The following CTNNA2 variants were observed in gnomAD, a reference collection of about 807,000 sequenced individuals.
CTNNA2 encodes catenin alpha-2.
In CTNNA2, 42 loss-of-function variants were observed where a neutral mutation model predicts 101.0. That is an observed-to-expected ratio of 0.42 (90% confidence interval 0.32 to 0.54). The LOEUF (loss-of-function observed/expected upper bound fraction) is 0.54, where lower values mean the gene tolerates loss of function less well. CTNNA2 is among the 20% of genes least tolerant of loss of function. The probability of loss-of-function intolerance (pLI) is 0.14; values close to 1 mark genes in which losing one functional copy is unlikely to be tolerated. For synonymous variants in CTNNA2, 450 were observed against 456.4 expected (o/e 0.99, Z 0.18); for missense variants, 871 against 1,223.1 (o/e 0.71, Z 4.29).
chr2:79,305,390 A>T (rs1163897355), intron 2 of CTNNA2, among the ~76,000 whole-genome samples: 4 of 147,272 alleles, frequency 2.7e-5, no homozygotes, highest in African/African-American at 1.0e-4. Context: ...ATATATATAT[A>T]TTTCTGCATG....
intron 6 of CTNNA2, among the ~76,000 whole-genome samples, chr2:79,891,823 A>G (rs1684327330): frequency 6.6e-6 from 1 of 151,844 alleles, no homozygotes; most frequent in Non-Finnish European, 1.5e-5. Flanking sequence ...ACCTGAAAAT[A>G]TATATATATA....
At chr2:79,604,425 A>G (rs571342984) in intron 1 of CTNNA2, among the ~76,000 whole-genome samples, 3 of 152,260 alleles carry the variant, frequency 2.0e-5, no homozygotes, top group African/African-American at 7.2e-5. Flanking sequence ...GTTTTCGGGG[A>G]ACACCAGGGG....
At chr2:80,351,046 G>T (rs1031618849) in intron 7 of CTNNA2, among the ~76,000 whole-genome samples, 3 of 152,090 alleles carry the variant, frequency 2.0e-5, no homozygotes, top group African/African-American at 7.2e-5. Flanking sequence ...CTCGTGATGA[G>T]CTCTAACAGT....
intron 1 of CTNNA2, among the ~76,000 whole-genome samples, chr2:79,592,746 G>C (rs1427652881): frequency 2.0e-5 from 3 of 152,114 alleles, no homozygotes; most frequent in Non-Finnish European, 4.4e-5. Flanking sequence ...CCAGTCCTCT[G>C]CTGGCCCTTA....
intron 2 of CTNNA2, among the ~76,000 whole-genome samples, chr2:79,272,877 G>T (rs1675120201): frequency 6.6e-6 from 1 of 151,988 alleles, no homozygotes; most frequent in South Asian, 2.1e-4. Flanking sequence ...CCCTATTTCA[G>T]ACAGACTCTT....
At chr2:79,872,598 G>A (rs751189661) in intron 5 of CTNNA2, among the ~76,000 whole-genome samples, 1 of 152,048 alleles carries the variant, frequency 6.6e-6, no homozygotes, top group Non-Finnish European at 1.5e-5. Flanking sequence ...GTGTTACCTA[G>A]CATCCATCTT....
intron 7 of CTNNA2, among the ~76,000 whole-genome samples, chr2:80,371,726 T>C (rs1172670744): frequency 1.3e-5 from 2 of 152,088 alleles, no homozygotes; most frequent in Non-Finnish European, 2.9e-5. Flanking sequence ...CCTAGAGGCA[T>C]GAAAGCACAG....
chr2:79,397,192 C>T (rs1678242560), intron 4 of CTNNA2, among the ~76,000 whole-genome samples: 1 of 152,096 alleles, frequency 6.6e-6, no homozygotes, highest in Non-Finnish European at 1.5e-5. Context: ...TATTTATTGC[C>T]TCAAACATTT....
intron 18 of CTNNA2, among the ~76,000 whole-genome samples, chr2:80,642,261 T>C (rs1673574427): frequency 6.6e-6 from 1 of 152,166 alleles, no homozygotes; most frequent in African/African-American, 2.4e-5. Context: ...ATGCCCACAA[T>C]GAAGCTGTTT....
intron 9 of CTNNA2, among the ~76,000 whole-genome samples, chr2:80,539,660 A>T (rs2149614156): frequency 6.6e-6 from 1 of 152,294 alleles, no homozygotes; most frequent in East Asian, 1.9e-4. Flanking sequence ...ACTAAGTCAG[A>T]GAAAGACTGG....
At chr2:80,540,780 C>A (rs1297143836) in intron 9 of CTNNA2, among the ~76,000 whole-genome samples, 1 of 152,028 alleles carries the variant, frequency 6.6e-6, no homozygotes, top group Non-Finnish European at 1.5e-5. Flanking sequence ...CTGCAAACTG[C>A]GCTTCCCGGT....
chr2:79,809,384 G>A (rs1165008118), intron 3 of CTNNA2, among the ~76,000 whole-genome samples: 1 of 152,158 alleles, frequency 6.6e-6, no homozygotes, highest in African/African-American at 2.4e-5. Context: ...CACAATAGTT[G>A]AACTAATTTA....
At position 79,669,648 on chromosome 2, in the gene CTNNA2, C is replaced by T. The variant is rs559847131; in HGVS notation, c.102+17990C>T. Reference sequence around the variant, plus strand: ...CAGGCAAGTCATTTGGATGTCTCTGCAGGTCTCTGAAGTTCTCAGCAGAGA... The same window carrying T: ...CAGGCAAGTCATTTGGATGTCTCTGTAGGTCTCTGAAGTTCTCAGCAGAGA... On this transcript the variant is annotated intron_variant, in intron 2 of 18. Transcript: ENST00000402739. 6.6e-5 allele frequency among the ~76,000 whole-genome samples: 10 copies of T among 152,298 alleles called. No homozygotes were observed. The South Asian group carries it at 2.1e-3, about 32-fold the overall frequency.
chr2:79,286,837 T>A (rs925889231), intron 2 of CTNNA2, among the ~76,000 whole-genome samples: 1 of 152,200 alleles, frequency 6.6e-6, no homozygotes, highest in African/African-American at 2.4e-5. Context: ...CTGGATAATA[T>A]CCTGCAGAGT....
intron 4 of CTNNA2, among the ~76,000 whole-genome samples, chr2:79,457,216 AG>A: frequency 2.0e-5 from 3 of 151,490 alleles, no homozygotes; most frequent in African/African-American, 4.9e-5. Flanking sequence ...AAAAAAAAAA[AG>A]AAAAAGAAAA....
intron 7 of CTNNA2, among the ~76,000 whole-genome samples, chr2:80,046,885 G>T (rs1696565543): frequency 6.6e-6 from 1 of 152,132 alleles, no homozygotes; most frequent in Non-Finnish European, 1.5e-5. Context: ...TTAATAATTT[G>T]CCCAGGTTAA....
At chr2:79,933,501 C>T (rs1687585668) in intron 7 of CTNNA2, among the ~76,000 whole-genome samples, 1 of 151,074 alleles carries the variant, frequency 6.6e-6, no homozygotes, top group South Asian at 2.1e-4. Context: ...GTCGCCCAGG[C>T]TGGAGTACAA....
At chr2:79,823,925 G>T (rs139176539) in intron 3 of CTNNA2, among the ~76,000 whole-genome samples, 198 of 152,188 alleles carry the variant, frequency 1.3e-3, no homozygotes, top group African/African-American at 4.5e-3. Context: ...TACCGCTGAG[G>T]ACTGAATATA....
chr2:80,096,316 G>T (rs1289856436), intron 7 of CTNNA2, among the ~76,000 whole-genome samples: 1 of 152,210 alleles, frequency 6.6e-6, no homozygotes, highest in Non-Finnish European at 1.5e-5. Context: ...GAGCGGTTTT[G>T]ACTGAGTTTC....
Sources: gnomAD v4.1 joint callset for allele counts (sites outside exome capture counted in the v4.1 genomes callset) on GRCh38, gnomAD v4.1.1 for gene constraint, MANE v1.5 for transcripts, NCBI Gene and HGNC (gene_info 2026-07-23, HGNC 2026-07-21) for gene names.